STK25: variants seen among roughly 807,000 people sequenced by gnomAD.
STK25 encodes the protein serine/threonine-protein kinase 25.
Under a neutral mutation model 53.8 loss-of-function variants are expected in STK25, and 29 were observed. The ratio of observed to expected loss-of-function variants is 0.54; its 90% confidence interval spans 0.40 to 0.74. The LOEUF (loss-of-function observed/expected upper bound fraction) is 0.74. STK25 is among the 30% of genes least tolerant of loss of function. The pLI is 0.00. For synonymous variants in STK25, 247 were observed against 238.3 expected (o/e 1.04, Z -0.33); for missense variants, 420 against 568.0 (o/e 0.74, Z 2.65).
At chr2:241,506,941 G>C (rs2065865667) in intron 2 of STK25, among the ~76,000 whole-genome samples, 1 of 152,144 alleles carries the variant, frequency 6.6e-6, no homozygotes, top group Non-Finnish European at 1.5e-5. Flanking sequence ...CAGGTTGCCT[G>C]GCCCAACAGC....
Position 241,493,382 on chromosome 2 carries a change from C to A in STK25, c.*2280G>T, listed in dbSNP as rs754098632. 1 of 1,613,884 alleles carries A rather than the reference C, an allele frequency of 6.2e-7. No individual in the cohort carries two copies. Among genetic ancestry groups the A allele is most frequent in the South Asian group, 1.1e-5 (1 of 91,090 alleles). On this transcript the variant is annotated 3_prime_UTR_variant, in exon 12 of 12. Coordinates refer to ENST00000316586, the MANE Select transcript of STK25 (RefSeq NM_001271977.2). Reference sequence around the variant, plus strand: ...ATGGCATACACAAAGACTATGTTTTCAAGCTCCAGTTCAAATCCCACGTCT... The same window carrying A: ...ATGGCATACACAAAGACTATGTTTTAAAGCTCCAGTTCAAATCCCACGTCT...
upstream of STK25, chr2:241,508,681 C>T: frequency 1.0e-6 from 1 of 985,994 alleles, no homozygotes; most frequent in Non-Finnish European, 1.2e-6. Flanking sequence ...CGGAAGCCTG[C>T]TGGCGTTGGA....
intron 2 of STK25, among the ~76,000 whole-genome samples, chr2:241,504,659 G>C (rs1030160036): frequency 6.6e-6 from 1 of 152,150 alleles, no homozygotes; most frequent in African/African-American, 2.4e-5. Context: ...TTTGAGATGG[G>C]GGGTCTCGCT....
At position 241,493,461 on chromosome 2, in the gene STK25, C is replaced by T; in HGVS notation, c.*2201G>A. 6.2e-7 allele frequency: 1 copy of T among 1,611,976 alleles called. No homozygotes were observed. The highest frequency in any genetic ancestry group is 8.5e-7 in the Non-Finnish European group (1 of 1,178,496). The stretch of plus-strand genomic sequence containing the variant: ...ATTTGAAAGGTAATTTTGCAGGAGG[C>T]AGCCCTGGTCAGCTGCCCATTTCGA... On this transcript the variant is annotated 3_prime_UTR_variant, in exon 12 of 12. Coordinates refer to ENST00000316586, the MANE Select transcript of STK25 (RefSeq NM_001271977.2).
At position 241,495,551 on chromosome 2, in the gene STK25, G is replaced by C; in HGVS notation, c.*111C>G. On this transcript the variant is annotated 3_prime_UTR_variant, in exon 12 of 12. Coordinates refer to ENST00000316586, the MANE Select transcript of STK25 (RefSeq NM_001271977.2). ...ATGTGAGGCCCACGGGATCCGACGT[G>C]TCCCTGCAGGCACGACATAGCACAG... The C allele has an allele frequency of 8.2e-7, 1 of 1,217,446 alleles. No homozygotes were observed. Among genetic ancestry groups the C allele is most frequent in the Non-Finnish European group, 1.2e-6 (1 of 826,252 alleles). 75.4% of individuals were successfully genotyped at this position (1,217,446 alleles called of 1,614,324 possible).
chr2:241,503,290 C>T (rs1574956741), intron 2 of STK25, among the ~76,000 whole-genome samples: 1 of 152,024 alleles, frequency 6.6e-6, no homozygotes, highest in East Asian at 2.0e-4. Context: ...GTCTCGAACT[C>T]CTGACTTCAG....
chr2:241,493,019 T>C lies in STK25; in HGVS notation c.*2643A>G, dbSNP rs774128174. 4 of 1,601,432 alleles carry C rather than the reference T, an allele frequency of 2.5e-6. No individual in the cohort carries two copies. The highest frequency in any genetic ancestry group is 2.6e-6 in the Non-Finnish European group (3 of 1,168,472). ...CGTCTTTACCAACTTCTGTTTGTTC[T>C]TCTACAAAACTCATCAGGTACTGGA... On this transcript the variant is annotated 3_prime_UTR_variant, in exon 12 of 12. Coordinates refer to ENST00000316586, the MANE Select transcript of STK25 (RefSeq NM_001271977.2).
At position 241,493,597 on chromosome 2, in the gene STK25, G is replaced by C. The variant is rs200604715; in HGVS notation, c.*2065C>G. The C allele has an allele frequency of 7.7e-5, 43 of 559,964 alleles. No individual in the cohort carries two copies. The highest frequency in any genetic ancestry group is 1.2e-4 in the Non-Finnish European group (38 of 320,036). 34.7% of individuals were successfully genotyped at this position (559,964 alleles called of 1,614,324 possible). A position where few individuals can be genotyped will look rare whatever the true frequency, so the allele number is the denominator to read the frequency against. The stretch of plus-strand genomic sequence containing the variant: ...CATTTCCAAAAAACAGCAATGCTTT[G>C]TTTTTTTTTTTTTTGGAGATGGCGT... On this transcript the variant is annotated 3_prime_UTR_variant, in exon 12 of 12. Transcript: ENST00000316586.
Position 241,494,321 on chromosome 2 carries a change from G to T in STK25, c.*1341C>A. 1 of 395,502 alleles carries T rather than the reference G, an allele frequency of 2.5e-6. No homozygotes were observed. The highest frequency in any genetic ancestry group is 4.6e-6 in the Non-Finnish European group (1 of 216,870). The allele number at this position is 395,502 out of a possible 1,614,324, so 24.5% of individuals were successfully genotyped here. A position where few individuals can be genotyped will look rare whatever the true frequency, so the allele number is the denominator to read the frequency against. On this transcript the variant is annotated 3_prime_UTR_variant, in exon 12 of 12. Transcript: ENST00000316586. This position sits in a 1 kb window ranked among gnomAD's most constrained non-coding sequence, Gnocchi z 4.9. Reference sequence around the variant, plus strand: ...CCCACCCAGGACCTAGTGCATGCCAGCAGCTATCTGGGGCCCTGGGAAAAA... The same window carrying T: ...CCCACCCAGGACCTAGTGCATGCCATCAGCTATCTGGGGCCCTGGGAAAAA...
Position 241,501,448 on chromosome 2 carries a change from G to A in STK25, c.261+30C>T. The A allele has an allele frequency of 6.2e-7, 1 of 1,601,970 alleles. No individual in the cohort carries two copies. Among genetic ancestry groups the A allele is most frequent in the South Asian group, 1.1e-5 (1 of 90,310 alleles). On this transcript the variant is annotated intron_variant, in intron 3 of 11. Transcript: ENST00000316586. The surrounding 1 kb of genome is among the most constrained non-coding windows in gnomAD (Gnocchi z 5.3). ...TGGAAGAGAGCCGGGCACAGCACCA[G>A]CAGGGTCCCCGCCTCCCCACAACAG... is the stretch of plus-strand genomic sequence containing the variant.
Position 241,499,136 on chromosome 2 carries a change from C to G in STK25, c.624G>C (p.Leu208=). Residue 208 remains leucine (L), a synonymous_variant, in exon 7 of 12, where the codon CTG becomes CTC. Coordinates refer to ENST00000316586, the MANE Select transcript of STK25 (RefSeq NM_001271977.2). ...CAGAGTTTGGAGGCTCCCCCTTGGC[C>G]AGCTCGATGGCTGTGATCCCCAGGG... ...IWSLGITAIE[L]AKGEPPNSDL... 1 of 1,613,820 alleles carries G rather than the reference C, an allele frequency of 6.2e-7. No homozygotes were observed. The highest frequency in any genetic ancestry group is 8.5e-7 in the Non-Finnish European group (1 of 1,179,812).
chr2:241,496,417 G>A lies in STK25; in HGVS notation c.1222C>T (p.Leu408=). The A allele has an allele frequency of 6.2e-7, 1 of 1,613,604 alleles. No homozygotes were observed. Among genetic ancestry groups the A allele is most frequent in the African/African-American group, 1.3e-5 (1 of 75,010 alleles). ...CCTCACCTCTGCACTCGCTCCACCAGGTGCACCATCAGCTTGTCTGAGATG... is the reference window on the plus strand; with the variant it reads ...CCTCACCTCTGCACTCGCTCCACCAAGTGCACCATCAGCTTGTCTGAGATG... ...PGISDKLMVH[L]VERVQRFSHN... is the part of the protein sequence containing the mutation. The change falls in exon 11 of 12, where the codon CTG becomes TTG. Residue 408 remains leucine (L), a synonymous_variant. Coordinates refer to ENST00000316586, the MANE Select transcript of STK25 (RefSeq NM_001271977.2). This position sits in a 1 kb window ranked among gnomAD's most constrained non-coding sequence, Gnocchi z 5.8.
At position 241,504,858 on chromosome 2, in the gene STK25, C is replaced by T. The variant is rs143746985; in HGVS notation, c.30+3148G>A. Among the ~76,000 whole-genome samples the T allele has an allele frequency of 1.0e-3, 152 of 152,164 alleles. 1 individual carries two copies. Among genetic ancestry groups the T allele is most frequent in the African/African-American group, 3.2e-3 (133 of 41,510 alleles). On this transcript the variant is annotated intron_variant, in intron 2 of 11. Transcript: ENST00000316586. ...GCTCCATTTCTGGTGGAGGACCACCCGTTCCTAGCCCAGTCCTGGATGCCA... is the reference window on the plus strand; with the variant it reads ...GCTCCATTTCTGGTGGAGGACCACCTGTTCCTAGCCCAGTCCTGGATGCCA...
At chr2:241,498,196 A>AG in intron 9 of STK25, 39 bp downstream of exon 9, 1 of 1,568,186 alleles carries the variant, frequency 6.4e-7, no homozygotes, top group Middle Eastern at 1.7e-4. Context: ...CCACGGCCCC[A>AG]GGGGTGCACA....
chr2:241,505,687 C>T (rs1400959593), intron 2 of STK25, among the ~76,000 whole-genome samples: 1 of 152,170 alleles, frequency 6.6e-6, no homozygotes, highest in Admixed American at 6.5e-5. Flanking sequence ...GCACAGCGGA[C>T]CCCTAAGCCA....
At chr2:241,503,569 C>T (rs367836301) in intron 2 of STK25, among the ~76,000 whole-genome samples, 3 of 151,428 alleles carry the variant, frequency 2.0e-5, no homozygotes, top group African/African-American at 2.4e-5. Flanking sequence ...AAAAATTAGC[C>T]GGGTGTGGTG....
At chr2:241,504,542 C>T (rs1201001009) in intron 2 of STK25, among the ~76,000 whole-genome samples, 1 of 152,196 alleles carries the variant, frequency 6.6e-6, no homozygotes, top group Non-Finnish European at 1.5e-5. Flanking sequence ...TCAAAGCTGA[C>T]AAGTCACAGG....
chr2:241,502,617 T>C (rs2065578283), intron 2 of STK25, among the ~76,000 whole-genome samples: 1 of 151,972 alleles, frequency 6.6e-6, no homozygotes, highest in African/African-American at 2.4e-5. Context: ...CGTATGCCTG[T>C]GATCCGAGCT....
At position 241,493,598 on chromosome 2, in the gene STK25, T is replaced by C; in HGVS notation, c.*2064A>G. 1.7e-5 allele frequency: 2 copies of C among 119,990 alleles called. No homozygotes were observed. The highest frequency in any genetic ancestry group is 1.5e-5 in the Non-Finnish European group (1 of 64,926). The allele number at this position is 119,990 out of a possible 1,614,324, so 7.4% of individuals were successfully genotyped here. The stretch of plus-strand genomic sequence containing the variant: ...ATTTCCAAAAAACAGCAATGCTTTG[T>C]TTTTTTTTTTTTTGGAGATGGCGTC... On this transcript the variant is annotated 3_prime_UTR_variant, in exon 12 of 12. Transcript: ENST00000316586.
Sources: allele counts gnomAD v4.1 joint callset (sites outside exome capture counted in the v4.1 genomes callset), GRCh38; gene constraint gnomAD v4.1.1; non-coding constraint Gnocchi (gnomAD v3.1); transcripts MANE v1.5; gene names NCBI Gene and HGNC (gene_info 2026-07-23, HGNC 2026-07-21).